ABCB5: variants seen among roughly 807,000 people sequenced by gnomAD.
ABCB5 encodes ATP binding cassette subfamily B member 5, also known as ATP-binding cassette sub-family B member 5.
Under a neutral mutation model 144.2 loss-of-function variants are expected in ABCB5, and 155 were observed. The observed-to-expected ratio is 1.08, with a 90% CI of 0.94 to 1.23. The LOEUF is 1.23. Among genes scored for constraint, ABCB5 ranks in the 50% most tolerant of loss-of-function variants. The probability of loss-of-function intolerance (pLI) is 0.00; values close to 1 mark genes in which losing one functional copy is unlikely to be tolerated. For missense variants in ABCB5, 1,830 were observed against 1,520.8 expected (o/e 1.20, Z -3.38); for synonymous variants, 610 against 528.6 (o/e 1.15, Z -2.11).
chr7:20,643,151 C>A (rs1362486549), intron 5 of ABCB5, 33 bp from the exon 6 acceptor site: 2 of 1,542,940 alleles, frequency 1.3e-6, no homozygotes, highest in Admixed American at 1.8e-5. Context: ...AAATGTTGTG[C>A]TTCAGTCTCA....
At chr7:20,662,704 G>T (rs1785041284) in intron 14 of ABCB5, among the ~76,000 whole-genome samples, 1 of 151,690 alleles carries the variant, frequency 6.6e-6, no homozygotes, top group South Asian at 2.1e-4. Context: ...TTATAAACCT[G>T]CTTAATCAAG....
At chr7:20,640,520 T>A (rs1337414759) in intron 5 of ABCB5, among the ~76,000 whole-genome samples, 1 of 152,166 alleles carries the variant, frequency 6.6e-6, no homozygotes, top group Non-Finnish European at 1.5e-5. Context: ...AGCCATCAGT[T>A]CAGTGTGATG....
At chr7:20,635,932 A>T (rs547062882) in intron 5 of ABCB5, among the ~76,000 whole-genome samples, 1 of 152,258 alleles carries the variant, frequency 6.6e-6, no homozygotes, top group Non-Finnish European at 1.5e-5. Flanking sequence ...ATATGAATTG[A>T]TTAAAATTAA....
chr7:20,677,889 GC>G (rs1454250744), intron 14 of ABCB5, among the ~76,000 whole-genome samples: 1 of 152,198 alleles, frequency 6.6e-6, no homozygotes, highest in African/African-American at 2.4e-5. Flanking sequence ...ATCAAGACCA[GC>G]TACATAGTTT....
At chr7:20,625,269 C>T (rs747908968) in intron 2 of ABCB5, among the ~76,000 whole-genome samples, 7 of 152,146 alleles carry the variant, frequency 4.6e-5, no homozygotes, top group Non-Finnish European at 1.0e-4. Flanking sequence ...GCTGACAGAA[C>T]AATGCGTTAT....
intron 1 of ABCB5, among the ~76,000 whole-genome samples, chr7:20,620,918 G>A (rs1179745232): frequency 6.6e-6 from 1 of 151,744 alleles, no homozygotes; most frequent in African/African-American, 2.4e-5. Flanking sequence ...CTGAAACGAG[G>A]ATACTCAAAC....
Position 20,628,712 on chromosome 7 carries a change from A to G in ABCB5, c.133A>G (p.Ile45Val). 2.5e-6 allele frequency: 4 copies of G among 1,613,342 alleles called. No individual in the cohort carries two copies. Among genetic ancestry groups the G allele is most frequent in the Non-Finnish European group, 3.4e-6 (4 of 1,179,672 alleles). ...EIFRFADGLD[I>V]TLMILGILAS... Reference sequence around the variant, plus strand: ...GTTCCGCTTTGCTGATGGACTGGACATCACACTCATGATCCTGGGTATACT... The same window carrying G: ...GTTCCGCTTTGCTGATGGACTGGACGTCACACTCATGATCCTGGGTATACT... The change falls in exon 4 of 28, where the codon ATC (isoleucine) becomes GTC (valine). Residue 45 changes from isoleucine (I) to valine (V), a missense_variant. Transcript: ENST00000404938.
At chr7:20,743,719 C>T (rs983877743) in intron 25 of ABCB5, among the ~76,000 whole-genome samples, 12 of 152,084 alleles carry the variant, frequency 7.9e-5, no homozygotes, top group Admixed American at 7.9e-4. Context: ...CCTGCCCGTA[C>T]AAAAAAGTTC....
At chr7:20,708,269 A>G (rs1053543319) in intron 20 of ABCB5, among the ~76,000 whole-genome samples, 1 of 152,202 alleles carries the variant, frequency 6.6e-6, no homozygotes, top group African/African-American at 2.4e-5. Flanking sequence ...TAAGAAAGAT[A>G]ATCAAATCTA....
At chr7:20,668,252 G>A (rs1323753147) in intron 14 of ABCB5, among the ~76,000 whole-genome samples, 3 of 149,104 alleles carry the variant, frequency 2.0e-5, no homozygotes, top group African/African-American at 5.0e-5. Flanking sequence ...TCTCTGCCCG[G>A]CCGCCATCCC....
chr7:20,627,556 A>G (rs1783937094), intron 3 of ABCB5, among the ~76,000 whole-genome samples: 1 of 152,090 alleles, frequency 6.6e-6, no homozygotes, highest in Non-Finnish European at 1.5e-5. Context: ...AATTTTGCTC[A>G]TGATTTGGTT....
Position 20,685,783 on chromosome 7 carries a change from A to T in ABCB5, c.1957A>T (p.Ser653Cys). The T allele has an allele frequency of 6.2e-7, 1 of 1,613,862 alleles. No homozygotes were observed. The highest frequency in any genetic ancestry group is 8.5e-7 in the Non-Finnish European group (1 of 1,179,882). Reference sequence around the variant, plus strand: ...CTCACTTCCTCTGCACTCTGTGAAGAGCATCAAGTCAGACTTCATTGACAA... The same window carrying T: ...CTCACTTCCTCTGCACTCTGTGAAGTGCATCAAGTCAGACTTCATTGACAA... ...TNSLPLHSVKSIKSDFIDKAE... is the reference protein window; with the variant it reads ...TNSLPLHSVKCIKSDFIDKAE... The change falls in exon 16 of 28, where the codon AGC (serine) becomes TGC (cysteine). Residue 653 changes from serine (S) to cysteine (C), a missense_variant. Physicochemically the swap from Ser to Cys is moderately radical, Grantham distance 112 (BLOSUM62 -1). Coordinates refer to ENST00000404938, the MANE Select transcript of ABCB5 (RefSeq NM_001163941.2).
Position 20,681,514 on chromosome 7 carries a change from G to T in ABCB5, c.1717G>T (p.Gly573Cys), listed in dbSNP as rs764961888. 3 of 1,614,116 alleles carry T rather than the reference G, an allele frequency of 1.9e-6. No homozygotes were observed. Among genetic ancestry groups the T allele is most frequent in the Non-Finnish European group, 2.5e-6 (3 of 1,179,992 alleles). ...GCATTTTATTCTGTAGGCGAGCAAA[G>T]GTCGGACTACAATCGTGGTAGCACA... Reference protein sequence around the residue: ...VQAALEKASKGRTTIVVAHRL... With the variant: ...VQAALEKASKCRTTIVVAHRL... The change falls in exon 15 of 28, where the codon GGT becomes TGT. Residue 573 changes from glycine (G) to cysteine (C), a missense_variant. Coordinates refer to ENST00000404938, the MANE Select transcript of ABCB5 (RefSeq NM_001163941.2).
rs117063124 is a variant in ABCB5 at position 20,728,687 on chromosome 7, G to A, written c.2867+232G>A. ...GAGAATCGATTGAACCCAGGAAATGGAGGCTGCAGTGAGCTGAGATCACGC... is the reference window on the plus strand; with the variant it reads ...GAGAATCGATTGAACCCAGGAAATGAAGGCTGCAGTGAGCTGAGATCACGC... On this transcript the variant is annotated intron_variant, in intron 23 of 27. Transcript: ENST00000404938. Among the ~76,000 whole-genome samples the A allele has an allele frequency of 1.5e-3, 226 of 152,344 alleles. 4 individuals are homozygous for A. The East Asian group carries it at 0.034, about 23-fold the overall frequency.
intron 23 of ABCB5, among the ~76,000 whole-genome samples, chr7:20,730,998 T>A (rs1782191451): frequency 6.6e-6 from 1 of 152,160 alleles, no homozygotes; most frequent in Non-Finnish European, 1.5e-5. Context: ...AGAAGAATTT[T>A]CATCTGTTTT....
chr7:20,623,902 G>C (rs1440486621), intron 2 of ABCB5, among the ~76,000 whole-genome samples: 2 of 152,146 alleles, frequency 1.3e-5, no homozygotes, highest in African/African-American at 2.4e-5. Flanking sequence ...GATCCCTCCA[G>C]GTCATGTAGT....
At chr7:20,730,498 G>A (rs1476295872) in intron 23 of ABCB5, among the ~76,000 whole-genome samples, 1 of 152,306 alleles carries the variant, frequency 6.6e-6, no homozygotes. Context: ...GACAGAGTGA[G>A]ACTCTGCCTC....
At chr7:20,630,404 T>A (rs1233899669) in intron 4 of ABCB5, among the ~76,000 whole-genome samples, 3 of 151,726 alleles carry the variant, frequency 2.0e-5, no homozygotes, top group Non-Finnish European at 4.4e-5. Context: ...AAAAAAAAAA[T>A]CTTTAAAGCA....
chr7:20,643,648 A>G lies in ABCB5; in HGVS notation c.678+16A>G. 6.2e-7 allele frequency: 1 copy of G among 1,612,744 alleles called. No homozygotes were observed. The highest frequency in any genetic ancestry group is 8.5e-7 in the Non-Finnish European group (1 of 1,179,002). On this transcript the variant is annotated intron_variant, in intron 7 of 27. Coordinates refer to ENST00000404938, the MANE Select transcript of ABCB5 (RefSeq NM_001163941.2). The stretch of plus-strand genomic sequence containing the variant: ...ATGTTCTAGGGTAAGTGAGATGGCT[A>G]ATGCAATATTGAATGGAAGCAGCAG...
Sources: allele counts gnomAD v4.1 joint callset (sites outside exome capture counted in the v4.1 genomes callset), GRCh38; gene constraint gnomAD v4.1.1; transcripts MANE v1.5; gene names NCBI Gene and HGNC (gene_info 2026-07-23, HGNC 2026-07-21).